Variants in TXNDC12 observed in about 807,000 individuals in gnomAD.
TXNDC12 encodes the protein thioredoxin domain-containing protein 12.
A neutral mutation model predicts 24.2 loss-of-function variants in TXNDC12; 22 were observed. That is an observed-to-expected ratio of 0.91 (90% confidence interval 0.65 to 1.30). TXNDC12 has a LOEUF of 1.30. Among genes scored for constraint, TXNDC12 ranks in the 50% most tolerant of loss-of-function variants. The pLI is 0.00. For synonymous variants in TXNDC12, 58 were observed against 73.4 expected (o/e 0.79, Z 1.07); for missense variants, 184 against 205.8 (o/e 0.89, Z 0.65).
chr1:52,028,384 C>A (rs987669256), intron 3 of TXNDC12, among the ~76,000 whole-genome samples, 194 bp downstream of exon 3: 3 of 152,194 alleles, frequency 2.0e-5, no homozygotes, highest in Non-Finnish European at 4.4e-5. Flanking sequence ...GTATCTTAAT[C>A]ACCTTAACTT....
chr1:52,045,104 G>A (rs1053725426), intron 1 of TXNDC12, among the ~76,000 whole-genome samples: 4 of 152,102 alleles, frequency 2.6e-5, no homozygotes, highest in Non-Finnish European at 4.4e-5. Context: ...ATCAAGCCAC[G>A]AAAAGACATT....
intron 2 of TXNDC12, chr1:52,033,084 G>A: frequency 6.2e-7 from 1 of 1,609,894 alleles, no homozygotes; most frequent in Non-Finnish European, 8.5e-7. Context: ...ATAAAGGCCG[G>A]TCCCAGCGAT....
chr1:52,036,557 T>C (rs1454373219), intron 2 of TXNDC12, among the ~76,000 whole-genome samples: 1 of 152,226 alleles, frequency 6.6e-6, no homozygotes, highest in Non-Finnish European at 1.5e-5. Flanking sequence ...TGTAACTTTA[T>C]GGAAATATAA....
chr1:52,035,448 G>A (rs1167121926), intron 2 of TXNDC12, among the ~76,000 whole-genome samples: 3 of 152,144 alleles, frequency 2.0e-5, no homozygotes, highest in Non-Finnish European at 2.9e-5. Context: ...GGTGGCTCGC[G>A]CCTGTAATCC....
chr1:52,033,662 C>A (rs1348368145), intron 2 of TXNDC12: 1 of 1,611,276 alleles, frequency 6.2e-7, no homozygotes, highest in Non-Finnish European at 8.5e-7. Flanking sequence ...TCGTCCACCA[C>A]GTACACCGCG....
Position 52,027,352 on chromosome 1 carries a change from G to T in TXNDC12, c.212-4C>A. 6.2e-7 allele frequency: 1 copy of T among 1,607,838 alleles called. No homozygotes were observed. The highest frequency in any genetic ancestry group is 1.1e-5 in the South Asian group (1 of 90,768). On this transcript the variant is annotated splice_region_variant and splice_polypyrimidine_tract_variant and intron_variant, in intron 3 of 6. Transcript: ENST00000371626. ...TCTGCAAATTTGGGCTTTAGAGCTG[G>T]GGGGAAAAAGATTTTGGAATAGAAG...
chr1:52,022,023 G>A (rs552084571), intron 6 of TXNDC12, among the ~76,000 whole-genome samples: 2 of 152,228 alleles, frequency 1.3e-5, no homozygotes, highest in East Asian at 3.9e-4. Flanking sequence ...GAGACCTAAA[G>A]CCCAGCTGCC....
At chr1:52,038,155 T>C (rs1685918772) in intron 2 of TXNDC12, among the ~76,000 whole-genome samples, 1 of 152,082 alleles carries the variant, frequency 6.6e-6, no homozygotes, top group Non-Finnish European at 1.5e-5. Flanking sequence ...TTCCTTACTA[T>C]TAATGTCCTT....
intron 2 of TXNDC12, chr1:52,033,636 G>A (rs1025037954): frequency 2.5e-5 from 41 of 1,611,612 alleles, no homozygotes; most frequent in Non-Finnish European, 3.4e-5. Context: ...GGTCCTCTGC[G>A]CCCAGGACAG....
At chr1:52,040,556 T>C (rs1685966085) in intron 2 of TXNDC12, among the ~76,000 whole-genome samples, 1 of 152,220 alleles carries the variant, frequency 6.6e-6, no homozygotes, top group African/African-American at 2.4e-5. Context: ...AATGATAATA[T>C]AGACTAATAC....
chr1:52,025,381 C>T (rs1571997854), intron 4 of TXNDC12, among the ~76,000 whole-genome samples: 1 of 152,150 alleles, frequency 6.6e-6, no homozygotes, highest in Admixed American at 6.6e-5. Context: ...CCATGCCCAG[C>T]TAATTTTTTT....
intron 2 of TXNDC12, among the ~76,000 whole-genome samples, chr1:52,040,756 C>T (rs956159244): frequency 6.6e-6 from 1 of 152,076 alleles, no homozygotes; most frequent in Non-Finnish European, 1.5e-5. Flanking sequence ...TTTGGCCGGG[C>T]GTGGTGGCTC....
At chr1:52,033,449 C>T in intron 2 of TXNDC12, 1 of 1,613,074 alleles carries the variant, frequency 6.2e-7, no homozygotes, top group Non-Finnish European at 8.5e-7. Flanking sequence ...ACGCAGTAGA[C>T]CAGGCAGAGC....
intron 6 of TXNDC12, among the ~76,000 whole-genome samples, chr1:52,022,572 C>T (rs1201621658): frequency 6.6e-6 from 1 of 151,724 alleles, no homozygotes; most frequent in Non-Finnish European, 1.5e-5. Flanking sequence ...ATGTCCTCCT[C>T]ATATCTGTCC....
Position 52,028,605 on chromosome 1 carries a change from G to C in TXNDC12, c.184C>G (p.His62Asp). 6.2e-7 allele frequency: 1 copy of C among 1,612,852 alleles called. No individual in the cohort carries two copies. The highest frequency in any genetic ancestry group is 2.2e-5 in the East Asian group (1 of 44,844). Residue 62 changes from histidine (H) to aspartate (D), a missense_variant, in exon 3 of 7, where the codon CAT (histidine) becomes GAT (aspartate). His to Asp is a moderately conservative substitution (Grantham distance 81). Transcript: ENST00000371626. The part of the protein sequence containing the change: ...ASGLPLMVII[H>D]KSWCGACKAL... ...TTGCAAGCTCCACACCAGGATTTAT[G>C]AATAATCACCATCAGGGGCAGTCCA...
chr1:52,024,618 C>G, intron 4 of TXNDC12, 39 bp from the exon 5 acceptor site: 1 of 1,500,836 alleles, frequency 6.7e-7, no homozygotes. Flanking sequence ...CAGATAACGT[C>G]CTCTCTCTCC....
chr1:52,038,997 G>A (rs1338677137), intron 2 of TXNDC12, among the ~76,000 whole-genome samples: 5 of 143,064 alleles, frequency 3.5e-5, no homozygotes, highest in Non-Finnish European at 6.0e-5. Flanking sequence ...TTGTTGCCCA[G>A]GCTGGTCTCA....
rs140463476 is a variant in TXNDC12, at chr1:52,033,169, T to C, written c.159-4539A>G. 2,431 of 1,614,110 alleles carry C rather than the reference T, an allele frequency of 1.5e-3. 4 individuals carry two copies. The highest frequency in any genetic ancestry group is 1.9e-3 in the Non-Finnish European group (2,236 of 1,180,056). The stretch of plus-strand genomic sequence containing the variant: ...GGGAGAGTAAAAGGCACCGGACCCA[T>C]GCTTTGCAGATTTCTCTGAATCCGG... On this transcript the variant is annotated intron_variant, in intron 2 of 6. Transcript: ENST00000371626.
chr1:52,045,521 G>A (rs540089021), intron 1 of TXNDC12, among the ~76,000 whole-genome samples: 1 of 152,284 alleles, frequency 6.6e-6, no homozygotes, highest in African/African-American at 2.4e-5. Context: ...TCCACAAGAA[G>A]AAACCAACCC....
Sources: allele counts gnomAD v4.1 joint callset (sites outside exome capture counted in the v4.1 genomes callset), GRCh38; gene constraint gnomAD v4.1.1; transcripts MANE v1.5; gene names NCBI Gene and HGNC (gene_info 2026-07-23, HGNC 2026-07-21).